The following DOT1L variants were observed in gnomAD, a reference collection of about 807,000 sequenced individuals.
DOT1L encodes histone-lysine N-methyltransferase, H3 lysine-79 specific.
DOT1L carries 33 observed loss-of-function variants against 153.3 expected under a neutral mutation model. The ratio of observed to expected loss-of-function variants is 0.22; its 90% CI spans 0.16 to 0.29. The LOEUF is 0.29. DOT1L is among the 10% of genes least tolerant of loss of function. The pLI is 1.00. For missense variants in DOT1L, 1,847 were observed against 2,119.9 expected (o/e 0.87, Z 2.53); for synonymous variants, 1,135 against 965.1 (o/e 1.18, Z -3.26).
At chr19:2,228,902 C>T (rs1259380911) in intron 27 of DOT1L, 2 of 985,272 alleles carry the variant, frequency 2.0e-6, no homozygotes, top group Non-Finnish European at 2.4e-6. Flanking sequence ...CCTCGGATGC[C>T]CTCATAGGGA....
At chr19:2,227,330 C>A (rs1446678069) in intron 27 of DOT1L, 2 of 766,418 alleles carry the variant, frequency 2.6e-6, no homozygotes, top group Non-Finnish European at 2.3e-6. Context: ...GTCTTGGGTT[C>A]TCTGGTTGTA....
intron 3 of DOT1L, 116 bp downstream of exon 3, chr19:2,186,045 T>C: frequency 9.7e-7 from 1 of 1,033,382 alleles, no homozygotes; most frequent in Non-Finnish European, 1.5e-6. Flanking sequence ...GATCTGAAAT[T>C]TCCTTTTAGA....
chr19:2,184,354 C>T (rs1034540374), intron 2 of DOT1L, among the ~76,000 whole-genome samples: 7 of 152,270 alleles, frequency 4.6e-5, no homozygotes, highest in Admixed American at 1.3e-4. Flanking sequence ...TGCCACAGCC[C>T]TTCTGACAGG....
Position 2,217,082 on chromosome 19 carries a change from A to T in DOT1L, c.2536A>T (p.Ser846Cys), listed in dbSNP as rs375968904. Residue 846 changes from serine (S) to cysteine (C), a missense_variant, in exon 21 of 28, where the codon AGT (serine) becomes TGT (cysteine). Coordinates refer to ENST00000398665, the MANE Select transcript of DOT1L (RefSeq NM_032482.3). This position sits in a 1 kb window ranked among gnomAD's most constrained non-coding sequence, Gnocchi z 7.3. ...CTTGCAGCTTGCTGGAGAGAAGAGC[A>T]GTGAGAAGGTGCGGGCCGCGACCCC... The part of the protein sequence containing the change: ...GALQLAGEKS[S>C]EKGLRERAYG... 1.9e-6 allele frequency: 3 copies of T among 1,602,232 alleles called. No individual in the cohort carries two copies. The highest frequency in any genetic ancestry group is 2.6e-6 in the Non-Finnish European group (3 of 1,172,730).
At position 2,207,524 on chromosome 19, in the gene DOT1L, G is replaced by C. The variant is rs1216954373; in HGVS notation, c.857-50G>C. On this transcript the variant is annotated intron_variant, in intron 10 of 27. Transcript: ENST00000398665. The surrounding 1 kb of genome is among the most constrained non-coding windows in gnomAD (Gnocchi z 4.5). Reference sequence around the variant, plus strand: ...CCCTGGGGTGGGTGAGGTCTGCATGGAGGGGCTGTGGGCAGGCGCAGGCCC... The same window carrying C: ...CCCTGGGGTGGGTGAGGTCTGCATGCAGGGGCTGTGGGCAGGCGCAGGCCC... 1 of 1,533,416 alleles carries C rather than the reference G, an allele frequency of 6.5e-7. No homozygotes were observed. Among genetic ancestry groups the C allele is most frequent in the South Asian group, 1.2e-5 (1 of 86,830 alleles). 95.0% of individuals were successfully genotyped at this position (1,533,416 alleles called of 1,614,324 possible). A position where few individuals can be genotyped will look rare whatever the true frequency, so the allele number is the denominator to read the frequency against.
At chr19:2,228,193 T>C (rs761052702) in intron 27 of DOT1L, 2 of 1,365,024 alleles carry the variant, frequency 1.5e-6, no homozygotes, top group South Asian at 2.3e-5. Context: ...CGCCCCTCCT[T>C]CACGGTGCAC....
Position 2,227,741 on chromosome 19 carries a change from C to G in DOT1L, c.4606+614C>G, listed in dbSNP as rs1015407062. On this transcript the variant is annotated intron_variant, in intron 27 of 27. Transcript: ENST00000398665. ...GTTTTTCTCTCCTATTTGCAGGTGT[C>G]TTTAACCACGCGGTGCCCTCCGCCT... 3 of 1,316,792 alleles carry G rather than the reference C, an allele frequency of 2.3e-6. No homozygotes were observed. The African/African-American group carries it at 4.6e-5, about 20-fold the overall frequency. 81.6% of individuals were successfully genotyped at this position (1,316,792 alleles called of 1,614,324 possible).
intron 8 of DOT1L, among the ~76,000 whole-genome samples, chr19:2,201,121 G>T (rs1226954340): frequency 1.9e-5 from 2 of 104,984 alleles, no homozygotes; most frequent in African/African-American, 3.8e-5. Flanking sequence ...CGTCCTCCCC[G>T]CATTCCTCGT....
rs973590411 is a variant in DOT1L at position 2,204,517 on chromosome 19, C to T, written c.787+1738C>T. Among the ~76,000 whole-genome samples, 17 of 152,210 alleles carry T rather than the reference C, an allele frequency of 1.1e-4. No homozygotes were observed. The highest frequency in any genetic ancestry group is 4.1e-4 in the African/African-American group (17 of 41,462). On this transcript the variant is annotated intron_variant, in intron 9 of 27. Coordinates refer to ENST00000398665, the MANE Select transcript of DOT1L (RefSeq NM_032482.3). This position sits in a 1 kb window ranked among gnomAD's most constrained non-coding sequence, Gnocchi z 5.7. ...GGAAGGCAGCAGTGGCTTCAGGCAG[C>T]TCCTGTCACCCCCTCCATGGTCCTC...
chr19:2,228,933 C>T (rs1307485131), intron 27 of DOT1L: 7 of 985,402 alleles, frequency 7.1e-6, no homozygotes, highest in East Asian at 1.1e-4. Flanking sequence ...CCCCAAGTGC[C>T]CTGCCTGCCT....
intron 25 of DOT1L, among the ~76,000 whole-genome samples, chr19:2,223,902 C>T (rs550685812): frequency 5.3e-5 from 8 of 152,288 alleles, no homozygotes; most frequent in African/African-American, 1.9e-4. Flanking sequence ...TCCACATTAC[C>T]ACTGCCTAAA....
At position 2,226,978 on chromosome 19, in the gene DOT1L, G is replaced by A. The variant is rs1203300203; in HGVS notation, c.4457G>A (p.Gly1486Asp). Reference sequence around the variant, plus strand: ...CCCATGTCCCTGCAGGCCAACCTCGGCTCCGTGGCCGGCTCCTCCGTGCTG... The same window carrying A: ...CCCATGTCCCTGCAGGCCAACCTCGACTCCGTGGCCGGCTCCTCCGTGCTG... ...LGPMSLQANL[G>D]SVAGSSVLQS... The change falls in exon 27 of 28, where the codon GGC becomes GAC. Residue 1486 changes from glycine (G) to aspartate (D), a missense_variant. Physicochemically the swap from Gly to Asp is moderately conservative, Grantham distance 94. Transcript: ENST00000398665. 7.5e-6 allele frequency: 12 copies of A among 1,591,650 alleles called. No individual in the cohort carries two copies. The highest frequency in any genetic ancestry group is 2.3e-5 in the East Asian group (1 of 44,222).
intron 1 of DOT1L, among the ~76,000 whole-genome samples, chr19:2,169,425 TGCA>T (rs1242016527): frequency 6.6e-6 from 1 of 152,152 alleles, no homozygotes; most frequent in African/African-American, 2.4e-5. Flanking sequence ...TGAAAGAGGT[TGCA>T]GGGGGTACTG....
In DOT1L at chr19:2,229,363, G is replaced by A. The variant is rs147784511; in HGVS notation, c.4607-422G>A. On this transcript the variant is annotated intron_variant, in intron 27 of 27. Transcript: ENST00000398665. ...CCCTGGGACACAGGCCTTCCTGGGCGAGTCCAAAGCCCACCGGGCAAGGAG... is the reference window on the plus strand; with the variant it reads ...CCCTGGGACACAGGCCTTCCTGGGCAAGTCCAAAGCCCACCGGGCAAGGAG... The A allele has an allele frequency of 2.4e-4, 234 of 985,448 alleles. 3 individuals carry two copies. The East Asian group carries it at 0.019, about 81-fold the overall frequency. The allele number at this position is 985,448 out of a possible 1,614,324, so 61.0% of individuals were successfully genotyped here. A position where few individuals can be genotyped will look rare whatever the true frequency, so the allele number is the denominator to read the frequency against.
At chr19:2,216,828 C>G (rs1467030164) in intron 20 of DOT1L, 63 bp downstream of exon 20, 1 of 1,555,370 alleles carries the variant, frequency 6.4e-7, no homozygotes, top group Non-Finnish European at 8.7e-7. Flanking sequence ...CTGGTGTGCT[C>G]AGGCTGTCGG....
chr19:2,229,945 A>G lies in DOT1L; in HGVS notation c.*153A>G. ...ACTGTGAATCGGCGGCACGCGCCGC[A>G]GGAGGCTGGGACTGGTCCAGTTTGT... On this transcript the variant is annotated 3_prime_UTR_variant, in exon 28 of 28. Transcript: ENST00000398665. 1 of 1,341,194 alleles carries G rather than the reference A, an allele frequency of 7.5e-7. No individual in the cohort carries two copies. Among genetic ancestry groups the G allele is most frequent in the Non-Finnish European group, 1.0e-6 (1 of 952,386 alleles). 83.1% of individuals were successfully genotyped at this position (1,341,194 alleles called of 1,614,324 possible). A position where few individuals can be genotyped will look rare whatever the true frequency, so the allele number is the denominator to read the frequency against.
chr19:2,168,100 G>T (rs1239822577), intron 1 of DOT1L, among the ~76,000 whole-genome samples: 1 of 152,110 alleles, frequency 6.6e-6, no homozygotes, highest in Non-Finnish European at 1.5e-5. Flanking sequence ...TCAGTGTTGT[G>T]GGGGCACAGA....
Position 2,226,855 on chromosome 19 carries a change from C to G in DOT1L, c.4334C>G (p.Ala1445Gly), listed in dbSNP as rs759402429. The change falls in exon 27 of 28, where the codon GCC becomes GGC. Residue 1445 changes from alanine to glycine, a missense_variant. This residue lies in a region of DOT1L where 934 missense variants were observed against 825.3 expected (regional missense o/e 1.13). Transcript: ENST00000398665. ...AGCCTCCTCAGCGGCCCCGGCCTGGCCCCGGCGGCGTCCTCCGCAGGCGGC... is the reference window on the plus strand; with the variant it reads ...AGCCTCCTCAGCGGCCCCGGCCTGGGCCCGGCGGCGTCCTCCGCAGGCGGC... The part of the protein sequence containing the change: ...PGSLLSGPGL[A>G]PAASSAGGAA... 10 of 1,578,104 alleles carry G rather than the reference C, an allele frequency of 6.3e-6. No individual in the cohort carries two copies. The highest frequency in any genetic ancestry group is 8.5e-6 in the Non-Finnish European group (10 of 1,170,726).
In DOT1L at chr19:2,226,424, G is replaced by C; in HGVS notation, c.3903G>C (p.Ser1301=). Residue 1301 remains serine (S), a synonymous_variant, in exon 27 of 28, where the codon TCG becomes TCC. Coordinates refer to ENST00000398665, the MANE Select transcript of DOT1L (RefSeq NM_032482.3). The part of the protein sequence containing the change: ...HPRKGFPGSL[S]GADGLSPGTN... Reference sequence around the variant, plus strand: ...GGAAAGGCTTTCCCGGCTCCCTGTCGGGGGCTGACGGACTCAGCCCGGGCA... The same window carrying C: ...GGAAAGGCTTTCCCGGCTCCCTGTCCGGGGCTGACGGACTCAGCCCGGGCA... 6.2e-7 allele frequency: 1 copy of C among 1,600,348 alleles called. No homozygotes were observed.
Sources: allele counts gnomAD v4.1 joint callset (sites outside exome capture counted in the v4.1 genomes callset), GRCh38; gene constraint gnomAD v4.1.1; regional missense constraint gnomAD v4.1.1; non-coding constraint Gnocchi (gnomAD v3.1); transcripts MANE v1.5; gene names NCBI Gene and HGNC (gene_info 2026-07-23, HGNC 2026-07-21).